DAB1: variants seen among roughly 807,000 people sequenced by gnomAD.
DAB1 encodes disabled homolog 1.
DAB1 carries 15 observed loss-of-function variants against 64.6 expected under a neutral mutation model. The ratio of observed to expected loss-of-function variants is 0.23; its 90% CI spans 0.16 to 0.36. The LOEUF (loss-of-function observed/expected upper bound fraction) is 0.36. DAB1 is among the 10% of genes least tolerant of loss of function. DAB1 has a pLI of 1.00. For synonymous variants in DAB1, 235 were observed against 251.9 expected (o/e 0.93, Z 0.64); for missense variants, 596 against 706.7 (o/e 0.84, Z 1.78).
rs188817855 is a variant in DAB1, at chr1:57,298,576, A to G, written c.-136-7410T>C. On this transcript the variant is annotated intron_variant, in intron 1 of 14. Transcript: ENST00000371236. ...AAAACGAATCACAAATATGGGAGAC[A>G]TATCTTAGCCTAACAGCTCATCTTC... 1.1e-4 allele frequency among the ~76,000 whole-genome samples: 17 copies of G among 152,302 alleles called. No individual in the cohort carries two copies. In the East Asian group the frequency reaches 1.2e-3, roughly 10 times the overall value.
chr1:57,162,166 T>A (rs1049378070), intron 2 of DAB1, among the ~76,000 whole-genome samples: 4 of 152,250 alleles, frequency 2.6e-5, no homozygotes, highest in Non-Finnish European at 5.9e-5. Flanking sequence ...CTTCATCATC[T>A]TCCCCTCCTT....
intron 4 of DAB1, among the ~76,000 whole-genome samples, chr1:58,262,122 T>C (rs1251186075): frequency 2.6e-5 from 4 of 152,030 alleles, no homozygotes; most frequent in African/African-American, 4.8e-5. Flanking sequence ...CCAGATAGAA[T>C]AGATAAAGTG....
chr1:57,845,815 A>C (rs1381321851), intron 1 of DAB1, among the ~76,000 whole-genome samples: 5 of 152,196 alleles, frequency 3.3e-5, no homozygotes, highest in Non-Finnish European at 5.9e-5. Flanking sequence ...CTGCCTTCCT[A>C]TAACTTTTAC....
chr1:57,103,654 C>T (rs1315044095), intron 4 of DAB1, among the ~76,000 whole-genome samples: 4 of 152,104 alleles, frequency 2.6e-5, no homozygotes, highest in South Asian at 2.1e-4. Flanking sequence ...GGTGCTTGGC[C>T]CCCCAGCACC....
At chr1:57,696,340 G>A (rs1452678777) in intron 6 of DAB1, among the ~76,000 whole-genome samples, 1 of 134,772 alleles carries the variant, frequency 7.4e-6, no homozygotes, top group Non-Finnish European at 1.6e-5. Flanking sequence ...TGTGGGAGAT[G>A]TGGGAAGCAG....
intron 5 of DAB1, among the ~76,000 whole-genome samples, chr1:57,982,941 T>C (rs1467610096): frequency 2.0e-5 from 3 of 152,216 alleles, no homozygotes; most frequent in Non-Finnish European, 4.4e-5. Context: ...GCGGTTCTAC[T>C]TTGCCAAAGA....
intron 4 of DAB1, among the ~76,000 whole-genome samples, chr1:58,189,242 T>C (rs1657255210): frequency 6.6e-6 from 1 of 152,232 alleles, no homozygotes; most frequent in South Asian, 2.1e-4. Context: ...GGAAAGGATG[T>C]TTTTATTCCT....
At chr1:58,068,033 A>T (rs1648968085) in intron 5 of DAB1, among the ~76,000 whole-genome samples, 1 of 152,236 alleles carries the variant, frequency 6.6e-6, no homozygotes, top group Admixed American at 6.5e-5. Flanking sequence ...AGAGGACAGG[A>T]ATACAGTTCT....
intron 3 of DAB1, among the ~76,000 whole-genome samples, chr1:58,444,956 G>T (rs1645049457): frequency 6.6e-6 from 1 of 152,194 alleles, no homozygotes; most frequent in Admixed American, 6.5e-5. Flanking sequence ...GTTGCTGGTT[G>T]TGTTTTTAGC....
intron 3 of DAB1, among the ~76,000 whole-genome samples, chr1:58,351,069 AT>A (rs1394170242): frequency 6.6e-6 from 1 of 152,114 alleles, no homozygotes; most frequent in African/African-American, 2.4e-5. Context: ...TTTCATGATA[AT>A]TGATTCTTCC....
At chr1:57,925,144 C>G (rs1228786226) in intron 5 of DAB1, among the ~76,000 whole-genome samples, 1 of 152,154 alleles carries the variant, frequency 6.6e-6, no homozygotes, top group Non-Finnish European at 1.5e-5. Flanking sequence ...CATTCTGTCT[C>G]TTATCAAGAT....
intron 5 of DAB1, among the ~76,000 whole-genome samples, chr1:57,966,983 G>A (rs1476550361): frequency 6.7e-6 from 1 of 148,218 alleles, no homozygotes; most frequent in African/African-American, 2.5e-5. Context: ...AATTTAAGAG[G>A]GTAGATCTCA....
chr1:58,026,320 C>A (rs1646894571), intron 5 of DAB1, among the ~76,000 whole-genome samples: 1 of 152,094 alleles, frequency 6.6e-6, no homozygotes, highest in Non-Finnish European at 1.5e-5. Context: ...TGTTTAGAAG[C>A]AAGAGGTTTC....
intron 5 of DAB1, among the ~76,000 whole-genome samples, chr1:57,967,127 T>G (rs1364393653): frequency 6.6e-6 from 1 of 152,222 alleles, no homozygotes; most frequent in Non-Finnish European, 1.5e-5. Flanking sequence ...TGTTGCATAG[T>G]GCAGAGATGC....
intron 2 of DAB1, among the ~76,000 whole-genome samples, chr1:57,273,491 G>A (rs74834332): frequency 0.02 from 3,108 of 151,782 alleles, 51 homozygotes; most frequent in South Asian, 0.025. Flanking sequence ...TTAGGACAGC[G>A]CCAACATCTA....
At chr1:58,483,941 G>GA (rs1645532109) in intron 3 of DAB1, among the ~76,000 whole-genome samples, 1 of 152,332 alleles carries the variant, frequency 6.6e-6, no homozygotes, top group Non-Finnish European at 1.5e-5. Context: ...AGTAAAGGGG[G>GA]AGAGTATGGA....
chr1:57,206,968 C>CA, intron 2 of DAB1, among the ~76,000 whole-genome samples: 1 of 84,492 alleles, frequency 1.2e-5, no homozygotes. Context: ...TCCTTCCTTC[C>CA]TTTTTTTTTT....
chr1:57,208,322 A>G (rs1465896014), intron 2 of DAB1, among the ~76,000 whole-genome samples: 2 of 152,182 alleles, frequency 1.3e-5, no homozygotes, highest in Non-Finnish European at 2.9e-5. Flanking sequence ...GGCCTTCCTC[A>G]GTTTTTGGGA....
chr1:57,411,770 A>C (rs1684133631), intron 1 of DAB1, among the ~76,000 whole-genome samples: 1 of 152,208 alleles, frequency 6.6e-6, no homozygotes, highest in Non-Finnish European at 1.5e-5. Flanking sequence ...TCAGGCTGCA[A>C]AGGAGGGCAG....
Sources: gnomAD v4.1 joint callset for allele counts (sites outside exome capture counted in the v4.1 genomes callset) on GRCh38, gnomAD v4.1.1 for gene constraint, MANE v1.5 for transcripts, NCBI Gene and HGNC (gene_info 2026-07-23, HGNC 2026-07-21) for gene names.